SP100: variants seen among roughly 807,000 people sequenced by gnomAD.
The protein encoded by SP100 is SP100 nuclear body protein, also known as nuclear autoantigen Sp-100.
In SP100, 84 loss-of-function variants were observed where a neutral mutation model predicts 130.0. The observed-to-expected ratio is 0.65, with a 90% confidence interval of 0.54 to 0.77. The LOEUF is 0.77. Ranked by LOEUF, SP100 falls within the 30% of genes least tolerant of loss-of-function variation. The pLI is 0.00. For missense variants in SP100, 978 were observed against 1,052.2 expected, an observed-to-expected ratio of 0.93 and a Z score of 0.97; for synonymous variants, 331 against 351.7, an observed-to-expected ratio of 0.94 and a Z score of 0.66.
chr2:230,449,834 C>T (rs2063885655), intron 7 of SP100, 124 bp downstream of exon 7: 2 of 981,418 alleles, frequency 2.0e-6, no homozygotes, highest in East Asian at 2.4e-5. Flanking sequence ...ATCACATAGA[C>T]ACAGAGGGGG....
At chr2:230,498,599 C>T in intron 19 of SP100, 64 bp downstream of exon 19, 1 of 902,784 alleles carries the variant, frequency 1.1e-6, no homozygotes, top group Non-Finnish European at 1.6e-6. Context: ...TAGTAAGAAA[C>T]ATTTTTTTCC....
intron 8 of SP100, among the ~76,000 whole-genome samples, chr2:230,452,525 G>A (rs934807415): frequency 1.3e-5 from 2 of 152,186 alleles, no homozygotes; most frequent in Admixed American, 1.3e-4. Context: ...AGGACTTCGA[G>A]TTGTCTGGAC....
chr2:230,450,032 C>A, intron 7 of SP100, 140 bp from the exon 8 acceptor site: 1 of 649,958 alleles, frequency 1.5e-6, no homozygotes, highest in Admixed American at 3.0e-5. Context: ...AGCACGAACA[C>A]CTTCACGCAG....
intron 21 of SP100, among the ~76,000 whole-genome samples, chr2:230,504,678 G>A (rs953239584): frequency 6.6e-6 from 1 of 152,158 alleles, no homozygotes; most frequent in Non-Finnish European, 1.5e-5. Context: ...AGTCACATAG[G>A]TGCCCTCTGC....
intron 14 of SP100, chr2:230,469,629 C>T (rs968538526): frequency 1.7e-6 from 1 of 586,898 alleles, no homozygotes; most frequent in Non-Finnish European, 2.7e-6. Flanking sequence ...AGCTGGGAGA[C>T]CAGAGACAGA....
At chr2:230,440,450 T>A in intron 2 of SP100, 1 of 852,788 alleles carries the variant, frequency 1.2e-6, no homozygotes. Flanking sequence ...TTAAATTTAA[T>A]TAAATTAAAT....
At chr2:230,462,553 G>A (rs1167535383) in intron 10 of SP100, 35 bp downstream of exon 10, 3 of 1,500,062 alleles carry the variant, frequency 2.0e-6, no homozygotes, top group Non-Finnish European at 2.8e-6. Context: ...CTTGGGCTGT[G>A]GGAATCTGAT....
intron 17 of SP100, among the ~76,000 whole-genome samples, chr2:230,482,575 A>AT (rs374028987): frequency 0.014 from 2,103 of 148,524 alleles, 41 homozygotes; most frequent in African/African-American, 0.047. Context: ...TTTAGAATTG[A>AT]TTTTTTTTTT....
At chr2:230,539,417 C>T (rs767784554) in intron 25 of SP100, 35 bp downstream of exon 25, 3 of 1,462,400 alleles carry the variant, frequency 2.1e-6, no homozygotes, top group Admixed American at 3.4e-5. Context: ...TGAGCCCTTC[C>T]TTCTTGTGGT....
chr2:230,472,407 G>A (rs1218414182), intron 15 of SP100, among the ~76,000 whole-genome samples: 2 of 119,182 alleles, frequency 1.7e-5, no homozygotes, highest in African/African-American at 6.7e-5. Flanking sequence ...CAGCCTGGGC[G>A]ATCGAGCAAG....
chr2:230,484,754 T>A (rs549560314), intron 17 of SP100, among the ~76,000 whole-genome samples: 44 of 152,344 alleles, frequency 2.9e-4, no homozygotes, highest in African/African-American at 9.4e-4. Context: ...TGAAACTTAC[T>A]AAATTTTCCT....
rs575282182 is a variant in SP100, at chr2:230,467,771, C to T, written c.1291+556C>T. 2.0e-5 allele frequency among the ~76,000 whole-genome samples: 3 copies of T among 152,314 alleles called. No individual in the cohort carries two copies. The South Asian group carries it at 6.2e-4, about 32-fold the overall frequency. On this transcript the variant is annotated intron_variant, in intron 13 of 28. Transcript: ENST00000340126. ...GATTTGGGTGAGGACACAGCCAAAC[C>T]ATATCACTGCCAGACCTATTAACTC...
intron 24 of SP100, among the ~76,000 whole-genome samples, chr2:230,531,978 T>C (rs2150109065): frequency 6.6e-6 from 1 of 152,134 alleles, no homozygotes; most frequent in Non-Finnish European, 1.5e-5. Flanking sequence ...TTTCCTTATA[T>C]ATACATATAT....
intron 18 of SP100, among the ~76,000 whole-genome samples, chr2:230,497,120 T>A (rs1390168866): frequency 1.3e-5 from 2 of 152,130 alleles, no homozygotes; most frequent in Non-Finnish European, 2.9e-5. Flanking sequence ...CAAGACAATT[T>A]GCAAAGAATA....
chr2:230,514,772 G>T (rs748946219), intron 24 of SP100, among the ~76,000 whole-genome samples: 1 of 152,214 alleles, frequency 6.6e-6, no homozygotes, highest in African/African-American at 2.4e-5. Context: ...AGGCTAGAAA[G>T]CCAAGCCAAG....
At chr2:230,433,592 A>C (rs996259491) in intron 2 of SP100, among the ~76,000 whole-genome samples, 1 of 152,130 alleles carries the variant, frequency 6.6e-6, no homozygotes, top group African/African-American at 2.4e-5. Context: ...GAGAATTACC[A>C]TGTTAAACAT....
intron 25 of SP100, 76 bp downstream of exon 25, chr2:230,539,458 G>A: frequency 1.0e-6 from 1 of 971,948 alleles, no homozygotes; most frequent in Non-Finnish European, 1.6e-6. Context: ...TGAGTACTCT[G>A]CAGAGTTTCT....
At chr2:230,429,267 A>T (rs893729727) in intron 2 of SP100, among the ~76,000 whole-genome samples, 1 of 152,186 alleles carries the variant, frequency 6.6e-6, no homozygotes, top group African/African-American at 2.4e-5. Flanking sequence ...CATTTTGAAC[A>T]TATCACCCTA....
At chr2:230,532,803 C>T (rs866900637) in intron 24 of SP100, among the ~76,000 whole-genome samples, 5 of 152,082 alleles carry the variant, frequency 3.3e-5, no homozygotes, top group Middle Eastern at 3.2e-3. Context: ...ATTTTTGAGA[C>T]GTAGTCTCGC....
Sources: allele counts gnomAD v4.1 joint callset (sites outside exome capture counted in the v4.1 genomes callset), GRCh38; gene constraint gnomAD v4.1.1; transcripts MANE v1.5; gene names NCBI Gene and HGNC (gene_info 2026-07-23, HGNC 2026-07-21).